CLNK: variants seen among roughly 807,000 people sequenced by gnomAD.
The protein encoded by CLNK is cytokine-dependent hematopoietic cell linker.
CLNK carries 74 observed loss-of-function variants against 68.6 expected under a neutral mutation model. The observed-to-expected ratio is 1.08, with a 90% CI of 0.89 to 1.31. CLNK has a LOEUF of 1.31. Ranked by LOEUF, CLNK falls within the 50% of genes most tolerant of loss-of-function variation. The pLI is 0.00. For missense variants in CLNK, 553 were observed against 515.3 expected (o/e 1.07, Z -0.71); for synonymous variants, 198 against 172.2 (o/e 1.15, Z -1.17).
intron 1 of CLNK, among the ~76,000 whole-genome samples, chr4:10,682,768 A>ACGTGCTCTG (rs1225342093): frequency 6.6e-6 from 1 of 152,180 alleles, no homozygotes; most frequent in African/African-American, 2.4e-5. Context: ...ATGCTCTAAT[A>ACGTGCTCTG]CGTGCTCTGC....
chr4:10,494,858 T>G (rs1716744472), intron 18 of CLNK, among the ~76,000 whole-genome samples: 1 of 152,220 alleles, frequency 6.6e-6, no homozygotes, highest in Non-Finnish European at 1.5e-5. Context: ...CTCTTACATA[T>G]TGAATAATCT....
chr4:10,725,787 G>A, the CLNK span, among the ~76,000 whole-genome samples: 14 of 151,926 alleles, frequency 9.2e-5, no homozygotes, highest in African/African-American at 2.2e-4. Flanking sequence ...CCCGGGAGGC[G>A]GACCTTGCAG....
At chr4:10,598,130 A>G in intron 2 of CLNK, 81 bp from the exon 3 acceptor site, 1 of 893,992 alleles carries the variant, frequency 1.1e-6, no homozygotes, top group Non-Finnish European at 1.8e-6. Flanking sequence ...TCATTCATAG[A>G]AAGAGCCACC....
At chr4:10,717,191 C>G in the CLNK span, among the ~76,000 whole-genome samples, 1 of 152,196 alleles carries the variant, frequency 6.6e-6, no homozygotes, top group Non-Finnish European at 1.5e-5. Flanking sequence ...AAAAAGCCCC[C>G]TCTCCATGTC....
the CLNK span, among the ~76,000 whole-genome samples, chr4:10,733,868 C>T: frequency 1.3e-5 from 2 of 152,200 alleles, no homozygotes; most frequent in East Asian, 3.8e-4. Context: ...TCCTGCATAT[C>T]CATCATACAT....
intron 2 of CLNK, among the ~76,000 whole-genome samples, chr4:10,618,632 C>T (rs776625368): frequency 4.8e-4 from 73 of 152,230 alleles, no homozygotes; most frequent in Non-Finnish European, 8.1e-4. Context: ...GCAGGCTGTA[C>T]GGGAAGCATA....
chr4:10,504,932 G>C (rs1717229971), intron 17 of CLNK, among the ~76,000 whole-genome samples: 1 of 152,208 alleles, frequency 6.6e-6, no homozygotes, highest in Non-Finnish European at 1.5e-5. Flanking sequence ...GGAAGAGGCA[G>C]AAGCAGGCAC....
chr4:10,566,295 A>G lies in CLNK; in HGVS notation c.151-145T>C, dbSNP rs1720111787. On this transcript the variant is annotated intron_variant, in intron 5 of 18. Coordinates refer to ENST00000226951, the MANE Select transcript of CLNK (RefSeq NM_052964.4). Reference sequence around the variant, plus strand: ...ATCTAGGGTCTGGGATCTTAAATAGAAGTTTAATTCTTGTGCTAGTGAGAA... The same window carrying G: ...ATCTAGGGTCTGGGATCTTAAATAGGAGTTTAATTCTTGTGCTAGTGAGAA... The G allele has an allele frequency of 5.1e-6, 4 of 781,630 alleles. No individual in the cohort carries two copies. The South Asian group carries it at 7.9e-5, about 15-fold the overall frequency. The allele number at this position is 781,630 out of a possible 1,614,324, so 48.4% of individuals were successfully genotyped here.
rs768542855 is a variant in CLNK at position 10,501,259 on chromosome 4, A to C, written c.1137T>G (p.Asp379Glu). ...QFALGTGLRG[D>E]EKFDSVEDII... Reference sequence around the variant, plus strand: ...GAGGCTGTTAAGTTATACCCACCTCATCTCCTCTGAGTCCTGTCCCCAGGG... The same window carrying C: ...GAGGCTGTTAAGTTATACCCACCTCCTCTCCTCTGAGTCCTGTCCCCAGGG... The change falls in exon 18 of 19, where the codon GAT becomes GAG. Residue 379 changes from aspartate to glutamate, a missense_variant. Asp to Glu is a conservative substitution (Grantham distance 45). Transcript: ENST00000226951. The C allele has an allele frequency of 6.4e-7, 1 of 1,570,144 alleles. No individual in the cohort carries two copies. The highest frequency in any genetic ancestry group is 8.6e-7 in the Non-Finnish European group (1 of 1,166,048).
intron 2 of CLNK, among the ~76,000 whole-genome samples, chr4:10,604,116 G>A (rs112482458): frequency 3.9e-5 from 6 of 152,212 alleles, no homozygotes; most frequent in African/African-American, 1.4e-4. Flanking sequence ...GAATAGCAGG[G>A]GGTATATCAC....
Position 10,507,994 on chromosome 4 carries a change from G to T in CLNK, c.949C>A (p.Gln317Lys). ...TTCATGAATGCCTCTTCCACTGCCTGGCGGCTGTATTCTCCAATGTACCAT... is the reference window on the plus strand; with the variant it reads ...TTCATGAATGCCTCTTCCACTGCCTTGCGGCTGTATTCTCCAATGTACCAT... ...NEWYIGEYSR[Q>K]AVEEAFMKEN... The change falls in exon 17 of 19, where the codon CAG becomes AAG. Residue 317 changes from glutamine to lysine, a missense_variant. Coordinates refer to ENST00000226951, the MANE Select transcript of CLNK (RefSeq NM_052964.4). 1.2e-6 allele frequency: 2 copies of T among 1,610,850 alleles called. No individual in the cohort carries two copies. The highest frequency in any genetic ancestry group is 1.7e-6 in the Non-Finnish European group (2 of 1,178,632).
At chr4:10,698,923 C>A in the CLNK span, among the ~76,000 whole-genome samples, 2 of 152,128 alleles carry the variant, frequency 1.3e-5, no homozygotes, top group Non-Finnish European at 2.9e-5. Context: ...GGAGGGAACT[C>A]TTTTTGTCAT....
intron 2 of CLNK, among the ~76,000 whole-genome samples, chr4:10,616,260 C>T (rs1369235538): frequency 6.6e-6 from 1 of 152,162 alleles, no homozygotes; most frequent in African/African-American, 2.4e-5. Flanking sequence ...AGTGGGAGTA[C>T]TTACACCACA....
intron 2 of CLNK, among the ~76,000 whole-genome samples, chr4:10,616,764 T>C (rs928086426): frequency 1.5e-4 from 22 of 145,012 alleles, no homozygotes; most frequent in Non-Finnish European, 2.6e-4. Flanking sequence ...TATAATAAAG[T>C]TGTGTGTGTA....
intron 2 of CLNK, among the ~76,000 whole-genome samples, chr4:10,600,155 T>C (rs1721538588): frequency 6.6e-6 from 1 of 152,212 alleles, no homozygotes. Flanking sequence ...CCTTTTTTTT[T>C]CTTAATGCTC....
chr4:10,631,155 G>A (rs535434486), intron 2 of CLNK, among the ~76,000 whole-genome samples: 117 of 152,250 alleles, frequency 7.7e-4, no homozygotes, highest in African/African-American at 2.4e-3. Context: ...CAGTCTTTGG[G>A]TAAATATGGT....
At chr4:10,598,170 C>T (rs1234856085) in intron 2 of CLNK, 121 bp from the exon 3 acceptor site, 2 of 665,968 alleles carry the variant, frequency 3.0e-6, no homozygotes, top group Admixed American at 2.9e-5. Context: ...ATGTCTCACA[C>T]ATAATTCTGA....
intron 2 of CLNK, among the ~76,000 whole-genome samples, chr4:10,666,380 A>C (rs1414028172): frequency 6.6e-6 from 1 of 152,214 alleles, no homozygotes; most frequent in Non-Finnish European, 1.5e-5. Context: ...GTTTATCCCC[A>C]GTGCTAATTT....
chr4:10,626,548 A>G (rs1415227612), intron 2 of CLNK, among the ~76,000 whole-genome samples: 1 of 152,204 alleles, frequency 6.6e-6, no homozygotes, highest in Admixed American at 6.5e-5. Context: ...TACAAAATTA[A>G]CACACGAGAA....
Sources: gnomAD v4.1 joint callset for allele counts (sites outside exome capture counted in the v4.1 genomes callset) on GRCh38, gnomAD v4.1.1 for gene constraint, MANE v1.5 for transcripts, NCBI Gene and HGNC (gene_info 2026-07-23, HGNC 2026-07-21) for gene names.